PGBD5: variants seen among roughly 807,000 people sequenced by gnomAD.
The protein encoded by PGBD5 is piggyBac transposable element-derived protein 5.
In PGBD5, 14 loss-of-function variants were observed where a neutral mutation model predicts 47.9. The ratio of observed to expected loss-of-function variants is 0.29; its 90% CI spans 0.19 to 0.46. The LOEUF (loss-of-function observed/expected upper bound fraction) is 0.46, where lower values mean the gene tolerates loss of function less well. Among genes scored for constraint, PGBD5 ranks in the 20% least tolerant of loss-of-function variants. PGBD5 has a pLI of 1.00. For synonymous variants in PGBD5, 316 were observed against 306.3 expected (o/e 1.03, Z -0.33); for missense variants, 635 against 716.0 (o/e 0.89, Z 1.29).
intron 1 of PGBD5, among the ~76,000 whole-genome samples, chr1:230,366,307 G>A (rs1412780897): frequency 6.6e-6 from 1 of 152,126 alleles, no homozygotes; most frequent in East Asian, 1.9e-4. Flanking sequence ...CTGTCTGTAG[G>A]GATGAGAGAT....
At chr1:230,414,402 T>C (rs1032256579) in intron 1 of PGBD5, among the ~76,000 whole-genome samples, 5 of 152,212 alleles carry the variant, frequency 3.3e-5, no homozygotes, top group Non-Finnish European at 4.4e-5. Context: ...CCAGTGTCAT[T>C]TGCCTTCTTC....
intron 2 of PGBD5, among the ~76,000 whole-genome samples, chr1:230,354,764 C>T (rs773639731): frequency 3.9e-5 from 6 of 152,208 alleles, no homozygotes; most frequent in South Asian, 2.1e-4. Flanking sequence ...AACATCTCTT[C>T]GGCTGCCCTG....
chr1:230,383,360 G>A (rs1656559809), intron 1 of PGBD5, among the ~76,000 whole-genome samples: 1 of 150,814 alleles, frequency 6.6e-6, no homozygotes, highest in Admixed American at 6.6e-5. Flanking sequence ...AGGCCACCAT[G>A]CCCAGCATTT....
At chr1:230,347,104 C>T (rs72763867) in intron 3 of PGBD5, among the ~76,000 whole-genome samples, 4,080 of 152,218 alleles carry the variant, frequency 0.027, 73 homozygotes, top group African/African-American at 0.038. Flanking sequence ...AGCATTGCCC[C>T]AGCCCTCTAG....
At chr1:230,404,651 G>A (rs984909387) in intron 1 of PGBD5, among the ~76,000 whole-genome samples, 1 of 142,228 alleles carries the variant, frequency 7.0e-6, no homozygotes, top group Admixed American at 7.2e-5. Flanking sequence ...TATATATATG[G>A]CCTGGCAAGG....
chr1:230,377,779 C>G, intron 1 of PGBD5: 1 of 1,235,510 alleles, frequency 8.1e-7, no homozygotes, highest in South Asian at 2.2e-5. Context: ...CAGCATCCGG[C>G]TCATACATTT....
intron 1 of PGBD5, among the ~76,000 whole-genome samples, chr1:230,387,700 G>A (rs1015975467): frequency 2.6e-5 from 4 of 152,294 alleles, no homozygotes; most frequent in Admixed American, 6.5e-5. Context: ...ACAGCCCCCA[G>A]GGAAGAAGTG....
In PGBD5 at chr1:230,351,107, A is replaced by C. The variant is rs1374747764; in HGVS notation, c.760-15T>G. 6.8e-6 allele frequency: 11 copies of C among 1,607,682 alleles called. No homozygotes were observed. Among genetic ancestry groups the C allele is most frequent in the Non-Finnish European group, 9.3e-6 (11 of 1,177,378 alleles). On this transcript the variant is annotated splice_polypyrimidine_tract_variant and intron_variant, in intron 2 of 6. Coordinates refer to ENST00000391860, the MANE Select transcript of PGBD5 (RefSeq NM_001258311.2). ...TCATGTAGCACCTGCCAGGAGGGAA[A>C]AAGCAGAGGCTCTCACGGAAGGCAG... is the stretch of plus-strand genomic sequence containing the variant.
At chr1:230,420,545 C>T (rs1657624836) in intron 1 of PGBD5, among the ~76,000 whole-genome samples, 1 of 152,178 alleles carries the variant, frequency 6.6e-6, no homozygotes, top group Non-Finnish European at 1.5e-5. Context: ...GCAGTTCCCC[C>T]CATGCTGTTC....
At chr1:230,405,790 A>G (rs1230493442) in intron 1 of PGBD5, among the ~76,000 whole-genome samples, 1 of 152,228 alleles carries the variant, frequency 6.6e-6, no homozygotes, top group Admixed American at 6.5e-5. Context: ...TCAGGGGTGA[A>G]TAGTTGATGC....
chr1:230,390,179 C>T (rs1343721983), intron 1 of PGBD5, among the ~76,000 whole-genome samples: 1 of 152,202 alleles, frequency 6.6e-6, no homozygotes, highest in Non-Finnish European at 1.5e-5. Context: ...ATACCCCTCG[C>T]TCTGCCCACC....
At position 230,318,895 on chromosome 1, in the gene PGBD5, G is replaced by A. The variant is rs1309721351; in HGVS notation, c.*4530C>T. 6.6e-6 allele frequency: 1 copy of A among 152,304 alleles called. No homozygotes were observed. The highest frequency in any genetic ancestry group is 1.5e-5 in the Non-Finnish European group (1 of 68,110). The allele number at this position is 152,304 out of a possible 1,614,324, so 9.4% of individuals were successfully genotyped here. A position where few individuals can be genotyped will look rare whatever the true frequency, so the allele number is the denominator to read the frequency against. ...CAGGCTAACTTCAGCTTCAGTAGTT[G>A]TTAAGCTCCAAAACACCCATCTCCA... On this transcript the variant is annotated 3_prime_UTR_variant, in exon 7 of 7. Transcript: ENST00000391860.
At chr1:230,416,732 G>A (rs1657523455) in intron 1 of PGBD5, among the ~76,000 whole-genome samples, 3 of 152,236 alleles carry the variant, frequency 2.0e-5, no homozygotes, top group Non-Finnish European at 4.4e-5. Context: ...GGTGGACCTA[G>A]AGACCCGGAG....
intron 1 of PGBD5, among the ~76,000 whole-genome samples, chr1:230,376,922 T>C (rs1668022627): frequency 6.6e-6 from 1 of 152,212 alleles, no homozygotes; most frequent in Non-Finnish European, 1.5e-5. Context: ...AGGCCTGGGA[T>C]GGCATTTGTA....
intron 1 of PGBD5, among the ~76,000 whole-genome samples, chr1:230,384,392 G>A (rs1292336758): frequency 5.9e-5 from 9 of 152,130 alleles, no homozygotes; most frequent in Non-Finnish European, 1.3e-4. Flanking sequence ...AGTGTGGTGA[G>A]ACTGTGTAGA....
In PGBD5 at chr1:230,321,326, C is replaced by T. The variant is rs1667029149; in HGVS notation, c.*2099G>A. On this transcript the variant is annotated 3_prime_UTR_variant, in exon 7 of 7. Transcript: ENST00000391860. ...AAAAATCAAGTATTTAAAAGAGTAG[C>T]CTGTATTTTTGTTCCTTCACCTTGT... The T allele has an allele frequency of 6.6e-6, 1 of 152,128 alleles. No individual in the cohort carries two copies. The highest frequency in any genetic ancestry group is 2.4e-5 in the African/African-American group (1 of 41,416). 9.4% of individuals were successfully genotyped at this position (152,128 alleles called of 1,614,324 possible).
intron 1 of PGBD5, among the ~76,000 whole-genome samples, chr1:230,413,217 G>T (rs1418771369): frequency 6.6e-6 from 1 of 152,096 alleles, no homozygotes; most frequent in Non-Finnish European, 1.5e-5. Flanking sequence ...TCAGACTACT[G>T]GTGGCATGCC....
chr1:230,331,996 G>A (rs1178800205), intron 5 of PGBD5, among the ~76,000 whole-genome samples: 1 of 220 alleles, frequency 4.5e-3, no homozygotes, highest in East Asian at 0.17. Flanking sequence ...TGCACAGACT[G>A]TACCGCAGAA....
intron 1 of PGBD5, among the ~76,000 whole-genome samples, chr1:230,382,757 G>A (rs1656535693): frequency 6.6e-6 from 1 of 152,128 alleles, no homozygotes; most frequent in Non-Finnish European, 1.5e-5. Flanking sequence ...ATATGTGGGA[G>A]TCTTCAGAAT....
Sources: allele counts gnomAD v4.1 joint callset (sites outside exome capture counted in the v4.1 genomes callset), GRCh38; gene constraint gnomAD v4.1.1; transcripts MANE v1.5; gene names NCBI Gene and HGNC (gene_info 2026-07-23, HGNC 2026-07-21).